TSPAN8: variants seen among roughly 807,000 people sequenced by gnomAD.
TSPAN8 encodes tetraspanin 8.
In TSPAN8, 21 loss-of-function variants were observed where a neutral mutation model predicts 32.8. The ratio of observed to expected loss-of-function variants is 0.64; its 90% CI spans 0.45 to 0.92. TSPAN8 has a LOEUF of 0.92. TSPAN8 is among the 40% of genes least tolerant of loss of function. TSPAN8 has a pLI of 0.00. For missense variants in TSPAN8, 269 were observed against 281.9 expected (o/e 0.95, Z 0.33); for synonymous variants, 95 against 94.6 (o/e 1.00, Z -0.03).
intron 2 of TSPAN8, among the ~76,000 whole-genome samples, chr12:71,154,817 T>C (rs1466929007): frequency 6.6e-6 from 1 of 152,146 alleles, no homozygotes; most frequent in Non-Finnish European, 1.5e-5. Flanking sequence ...TGATTCGAGG[T>C]CTGGACAGGA....
At chr12:71,133,578 T>C (rs1427161275) in intron 6 of TSPAN8, among the ~76,000 whole-genome samples, 1 of 152,188 alleles carries the variant, frequency 6.6e-6, no homozygotes, top group African/African-American at 2.4e-5. Context: ...TGAGAGATAT[T>C]GCAAAGACCC....
intron 2 of TSPAN8, 85 bp from the exon 3 acceptor site, chr12:71,144,298 C>A: frequency 8.1e-7 from 1 of 1,233,130 alleles, no homozygotes; most frequent in Non-Finnish European, 1.1e-6. Flanking sequence ...TATCCGGTGA[C>A]AGTAGTTCAT....
chr12:71,142,611 C>A (rs1203784738), intron 3 of TSPAN8, among the ~76,000 whole-genome samples: 2 of 152,150 alleles, frequency 1.3e-5, no homozygotes, highest in Admixed American at 1.3e-4. Flanking sequence ...CACACCAGAG[C>A]TCCAGGCCAT....
intron 2 of TSPAN8, among the ~76,000 whole-genome samples, chr12:71,146,139 G>A (rs1393816729): frequency 6.6e-6 from 1 of 152,102 alleles, no homozygotes; most frequent in African/African-American, 2.4e-5. Flanking sequence ...AGAGTAACCA[G>A]TTGTTTCAGA....
chr12:71,145,005 C>A (rs1331867074), intron 2 of TSPAN8, among the ~76,000 whole-genome samples: 1 of 151,788 alleles, frequency 6.6e-6, no homozygotes, highest in East Asian at 1.9e-4. Flanking sequence ...AATCAAAGAT[C>A]TATTATTAGA....
intron 6 of TSPAN8, among the ~76,000 whole-genome samples, chr12:71,136,781 C>T (rs1022151503): frequency 3.9e-5 from 6 of 152,188 alleles, no homozygotes; most frequent in African/African-American, 9.7e-5. Flanking sequence ...CAACCCATCA[C>T]TTGGTAGCTG....
intron 6 of TSPAN8, among the ~76,000 whole-genome samples, chr12:71,133,828 A>G (rs1461375704): frequency 6.6e-6 from 1 of 152,156 alleles, no homozygotes; most frequent in Non-Finnish European, 1.5e-5. Flanking sequence ...TAGATGGGAG[A>G]AAGAAAGATA....
chr12:71,129,811 C>T (rs1186547067), intron 7 of TSPAN8, among the ~76,000 whole-genome samples: 1 of 151,948 alleles, frequency 6.6e-6, no homozygotes, highest in Admixed American at 6.6e-5. Flanking sequence ...TAACTTTATT[C>T]ATTTTAGAGC....
At chr12:71,144,418 T>C (rs1872007583) in intron 2 of TSPAN8, among the ~76,000 whole-genome samples, 1 of 152,182 alleles carries the variant, frequency 6.6e-6, no homozygotes, top group Non-Finnish European at 1.5e-5. Flanking sequence ...ATAATTCTAT[T>C]TCTCATCCAC....
At chr12:71,132,166 A>C (rs1672020037) in intron 7 of TSPAN8, among the ~76,000 whole-genome samples, 2 of 152,224 alleles carry the variant, frequency 1.3e-5, no homozygotes. Flanking sequence ...TCTCAATTGC[A>C]GCAATAACTA....
rs1287011627 is a variant in TSPAN8 at position 71,156,269 on chromosome 12, C to CAAAAAAAA, written c.60+1349_60+1350insTTTTTTTT. 6.1e-3 allele frequency among the ~76,000 whole-genome samples: 199 copies of CAAAAAAAA among 32,502 alleles called. 9 individuals are homozygous for CAAAAAAAA. Among genetic ancestry groups the CAAAAAAAA allele is most frequent in the African/African-American group, 0.019 (149 of 7,968 alleles). 21.3% of individuals were successfully genotyped at this position (32,502 alleles called of 152,430 possible). A position where few individuals can be genotyped will look rare whatever the true frequency, so the allele number is the denominator to read the frequency against. ...GTTCTCCAAAAAAAAAAAAAAAAAA[C>CAAAAAAAA]AAACAAAAAAAAAACTAGAAACAAA... On this transcript the variant is annotated intron_variant, in intron 2 of 8. Coordinates refer to ENST00000247829, the MANE Select transcript of TSPAN8 (RefSeq NM_004616.3).
Position 71,139,841 on chromosome 12 carries a change from C to A in TSPAN8, c.131G>T (p.Gly44Val). ...GGAGCTAGAGCCTACATCTTCAGAA[C>A]CAAAAATCTGAAGTAAAAAAGAGAT... Reference protein sequence around the residue: ...RVSNDSQAIFGSEDVGSSSYV... With the variant: ...RVSNDSQAIFVSEDVGSSSYV... Residue 44 changes from glycine (G) to valine (V), a missense_variant, in exon 4 of 9, where the codon GGT becomes GTT. Coordinates refer to ENST00000247829, the MANE Select transcript of TSPAN8 (RefSeq NM_004616.3). 1.2e-6 allele frequency: 2 copies of A among 1,602,500 alleles called. No homozygotes were observed. The highest frequency in any genetic ancestry group is 1.7e-6 in the Non-Finnish European group (2 of 1,175,624).
At chr12:71,132,650 G>A in intron 7 of TSPAN8, 43 bp downstream of exon 7, 7 of 1,594,098 alleles carry the variant, frequency 4.4e-6, no homozygotes, top group Non-Finnish European at 6.0e-6. Context: ...TGAAAAGAAA[G>A]TAACAGAATT....
chr12:71,127,536 G>T (rs937804554), intron 8 of TSPAN8, among the ~76,000 whole-genome samples: 1 of 152,098 alleles, frequency 6.6e-6, no homozygotes, highest in African/African-American at 2.4e-5. Context: ...TCTGTTTTAT[G>T]ATAGTAACGC....
At chr12:71,127,900 A>C (rs1239707771) in intron 8 of TSPAN8, among the ~76,000 whole-genome samples, 1 of 152,212 alleles carries the variant, frequency 6.6e-6, no homozygotes, top group Non-Finnish European at 1.5e-5. Context: ...CTTATATTAA[A>C]TATCTCATTT....
At position 71,155,332 on chromosome 12, in the gene TSPAN8, T is replaced by A. The variant is rs58388967; in HGVS notation, c.60+2287A>T. ...CAATCAAACCTCCAGTGCCTCCTCA[T>A]GAAAGAATACAAAATCACTTATGAT... On this transcript the variant is annotated intron_variant, in intron 2 of 8. Coordinates refer to ENST00000247829, the MANE Select transcript of TSPAN8 (RefSeq NM_004616.3). Among the ~76,000 whole-genome samples the A allele has an allele frequency of 2.4e-4, 36 of 152,020 alleles. 1 individual carries two copies. The East Asian group carries it at 7.0e-3, about 29-fold the overall frequency.
At chr12:71,149,851 A>T (rs761749945) in intron 2 of TSPAN8, among the ~76,000 whole-genome samples, 1 of 152,226 alleles carries the variant, frequency 6.6e-6, no homozygotes, top group Non-Finnish European at 1.5e-5. Flanking sequence ...GATTTTAGGG[A>T]ACAAGGGAAG....
intron 7 of TSPAN8, 82 bp from the exon 8 acceptor site, chr12:71,129,496 G>A (rs1871452412): frequency 7.5e-7 from 1 of 1,337,092 alleles, no homozygotes; most frequent in South Asian, 1.6e-5. Flanking sequence ...TAATCTGGTT[G>A]ACTTTTTACA....
intron 6 of TSPAN8, among the ~76,000 whole-genome samples, chr12:71,133,909 A>G (rs1453685173): frequency 2.0e-5 from 3 of 152,178 alleles, no homozygotes; most frequent in African/African-American, 4.8e-5. Flanking sequence ...GGAGGAAAAA[A>G]AAATGGCTGA....
Sources: allele counts gnomAD v4.1 joint callset (sites outside exome capture counted in the v4.1 genomes callset), GRCh38; gene constraint gnomAD v4.1.1; transcripts MANE v1.5; gene names NCBI Gene and HGNC (gene_info 2026-07-23, HGNC 2026-07-21).